The following NAV2 variants were observed in gnomAD, a reference collection of about 807,000 sequenced individuals.
NAV2 encodes the protein helicase, APC down-regulated 1.
A neutral mutation model predicts 223.2 loss-of-function variants in NAV2; 54 were observed. The ratio of observed to expected loss-of-function variants is 0.24; its 90% CI spans 0.19 to 0.30. NAV2 has a LOEUF of 0.30. Ranked by LOEUF, NAV2 falls within the 10% of genes least tolerant of loss-of-function variation. NAV2 has a pLI of 1.00. For synonymous variants in NAV2, 1,279 were observed against 1,239.3 expected (o/e 1.03, Z -0.67); for missense variants, 2,806 against 3,147.5 (o/e 0.89, Z 2.60).
chr11:19,671,397 A>G (rs1042866524), intron 1 of NAV2, among the ~76,000 whole-genome samples: 1 of 152,106 alleles, frequency 6.6e-6, no homozygotes, highest in Non-Finnish European at 1.5e-5. Flanking sequence ...TGTCTTGTTG[A>G]TGGTGACTCT....
At chr11:19,501,017 A>C (rs2042947230) in intron 1 of NAV2, among the ~76,000 whole-genome samples, 1 of 152,134 alleles carries the variant, frequency 6.6e-6, no homozygotes, top group Non-Finnish European at 1.5e-5. Flanking sequence ...TCTGGGGGCA[A>C]AATCTGTTTC....
chr11:20,047,190 T>C (rs1185133641), intron 14 of NAV2, among the ~76,000 whole-genome samples: 1 of 152,234 alleles, frequency 6.6e-6, no homozygotes, highest in Non-Finnish European at 1.5e-5. Context: ...TCTTTGGTAT[T>C]ATAGATTTCC....
At chr11:19,441,480 A>G (rs1851402906) in intron 1 of NAV2, among the ~76,000 whole-genome samples, 1 of 151,248 alleles carries the variant, frequency 6.6e-6, no homozygotes. Flanking sequence ...ACACCCTTCA[A>G]CAGGCTGACA....
intron 10 of NAV2, among the ~76,000 whole-genome samples, chr11:19,951,709 A>G (rs958234040): frequency 6.6e-6 from 1 of 152,266 alleles, no homozygotes; most frequent in East Asian, 1.9e-4. Flanking sequence ...TCTTAGTGAT[A>G]GCCGACTGAG....
At chr11:19,672,834 C>T (rs1057438487) in intron 1 of NAV2, among the ~76,000 whole-genome samples, 7 of 152,122 alleles carry the variant, frequency 4.6e-5, no homozygotes, top group African/African-American at 1.4e-4. Context: ...TAGCTAGCAG[C>T]TTATGGTACC....
At chr11:19,425,498 C>A (rs911598417) in intron 1 of NAV2, among the ~76,000 whole-genome samples, 4 of 152,180 alleles carry the variant, frequency 2.6e-5, no homozygotes, top group Non-Finnish European at 4.4e-5. Flanking sequence ...GTCTTACATG[C>A]GTGGGAACTG....
At chr11:19,706,371 TTCTC>T (rs945817859) in intron 1 of NAV2, among the ~76,000 whole-genome samples, 37 of 152,246 alleles carry the variant, frequency 2.4e-4, no homozygotes, top group African/African-American at 6.3e-4. Flanking sequence ...AGCAAAAAAA[TTCTC>T]TCTATTACTT....
intron 1 of NAV2, among the ~76,000 whole-genome samples, chr11:19,523,366 C>T (rs766901562): frequency 8.9e-5 from 12 of 135,080 alleles, no homozygotes; most frequent in African/African-American, 4.0e-4. Flanking sequence ...AGGAACAGTG[C>T]ATCCCTCCTG....
chr11:19,484,158 A>ACC (rs1438125742), intron 1 of NAV2, among the ~76,000 whole-genome samples: 44 of 150,074 alleles, frequency 2.9e-4, no homozygotes, highest in African/African-American at 9.6e-4. Flanking sequence ...ACACACACAC[A>ACC]CCCCAAGTCT....
At chr11:19,545,866 T>G (rs553908158) in intron 1 of NAV2, among the ~76,000 whole-genome samples, 4 of 152,314 alleles carry the variant, frequency 2.6e-5, no homozygotes, top group Non-Finnish European at 5.9e-5. Context: ...GCCAAAAGAT[T>G]GGACAACCCT....
intron 1 of NAV2, among the ~76,000 whole-genome samples, chr11:19,685,211 C>G (rs1384448979): frequency 6.6e-6 from 1 of 152,206 alleles, no homozygotes; most frequent in Admixed American, 6.5e-5. Context: ...GTCCTGCCCT[C>G]TCAGTTCAGA....
intron 5 of NAV2, among the ~76,000 whole-genome samples, chr11:19,891,500 T>C (rs1357961580): frequency 6.6e-6 from 1 of 152,190 alleles, no homozygotes; most frequent in African/African-American, 2.4e-5. Context: ...AAATGAGGTG[T>C]TTTATTTAAA....
intron 6 of NAV2, among the ~76,000 whole-genome samples, chr11:19,921,943 T>A (rs979299886): frequency 6.6e-6 from 1 of 152,212 alleles, no homozygotes; most frequent in Non-Finnish European, 1.5e-5. Context: ...TGTGTGTGTG[T>A]GGGTATATAA....
At chr11:19,950,157 G>C (rs79694569) in intron 10 of NAV2, among the ~76,000 whole-genome samples, 3,995 of 152,300 alleles carry the variant, frequency 0.026, 49 homozygotes, top group Non-Finnish European at 0.042. Flanking sequence ...TGTTCTAGCT[G>C]TTAAAGTTAC....
intron 1 of NAV2, among the ~76,000 whole-genome samples, chr11:19,641,649 C>T (rs966325383): frequency 5.3e-5 from 8 of 151,776 alleles, no homozygotes; most frequent in Non-Finnish European, 7.4e-5. Context: ...GCTCACCTTC[C>T]GGCGTTTGCA....
At chr11:19,673,492 A>G (rs1338044799) in intron 1 of NAV2, among the ~76,000 whole-genome samples, 1 of 152,024 alleles carries the variant, frequency 6.6e-6, no homozygotes, top group Non-Finnish European at 1.5e-5. Context: ...TTGATTCCAA[A>G]CCTCTCCTCT....
chr11:19,386,141 A>G (rs534177719), intron 1 of NAV2, among the ~76,000 whole-genome samples: 1 of 152,210 alleles, frequency 6.6e-6, no homozygotes, highest in East Asian at 1.9e-4. Context: ...GTACTTTGAC[A>G]TGGCTTTGTT....
At chr11:19,723,585 C>A (rs376152072) in intron 1 of NAV2, among the ~76,000 whole-genome samples, 1 of 152,246 alleles carries the variant, frequency 6.6e-6, no homozygotes, top group Non-Finnish European at 1.5e-5. Flanking sequence ...CTGCTTCCCC[C>A]TCGTTGGGGC....
At chr11:19,698,055 A>G (rs1428887127) in intron 1 of NAV2, among the ~76,000 whole-genome samples, 1 of 152,182 alleles carries the variant, frequency 6.6e-6, no homozygotes, top group African/African-American at 2.4e-5. Flanking sequence ...ATCACAGCAC[A>G]GGGCTGAGTG....
Sources: allele counts gnomAD v4.1 joint callset (sites outside exome capture counted in the v4.1 genomes callset), GRCh38; gene constraint gnomAD v4.1.1; transcripts MANE v1.5; gene names NCBI Gene and HGNC (gene_info 2026-07-23, HGNC 2026-07-21).